UST: variants seen among roughly 807,000 people sequenced by gnomAD.
UST encodes the protein chondroitin sulfate 2-O-sulfotransferase.
A neutral mutation model predicts 45.6 loss-of-function variants in UST; 21 were observed. That is an observed-to-expected ratio of 0.46 (90% CI 0.33 to 0.66). UST has a LOEUF of 0.66. Among genes scored for constraint, UST ranks in the 30% least tolerant of loss-of-function variants. The pLI, the probability that UST is intolerant of heterozygous loss-of-function variation, is 0.02. For synonymous variants in UST, 215 were observed against 200.6 expected (o/e 1.07, Z -0.61); for missense variants, 463 against 512.4 (o/e 0.90, Z 0.93).
chr6:149,071,448 A>G (rs1437221123), intron 7 of UST, among the ~76,000 whole-genome samples: 1 of 152,220 alleles, frequency 6.6e-6, no homozygotes, highest in East Asian at 1.9e-4. Context: ...AATCTTCATG[A>G]CCTTGGATTT....
chr6:149,031,708 G>A (rs1312801274), intron 7 of UST, among the ~76,000 whole-genome samples: 3 of 152,136 alleles, frequency 2.0e-5, no homozygotes, highest in Non-Finnish European at 4.4e-5. Context: ...ATTTAAATAG[G>A]TGTAATCTGA....
intron 7 of UST, among the ~76,000 whole-genome samples, chr6:149,043,548 C>A (rs1051479598): frequency 6.6e-6 from 1 of 152,264 alleles, no homozygotes; most frequent in Non-Finnish European, 1.5e-5. Context: ...GTGCTGTGGC[C>A]TCCTTTTCTG....
chr6:148,919,200 C>CAG (rs1779651324), intron 2 of UST, among the ~76,000 whole-genome samples: 1 of 152,206 alleles, frequency 6.6e-6, no homozygotes, highest in Non-Finnish European at 1.5e-5. Context: ...GGTGCACCTC[C>CAG]ACCTCCTCTC....
At chr6:148,806,685 A>G (rs1185332121) in intron 1 of UST, among the ~76,000 whole-genome samples, 4 of 152,186 alleles carry the variant, frequency 2.6e-5, no homozygotes, top group African/African-American at 7.2e-5. Context: ...TTGCTGTAAC[A>G]GCATGCCTGA....
At chr6:148,749,671 C>G (rs1017728905) in intron 1 of UST, among the ~76,000 whole-genome samples, 9 of 152,162 alleles carry the variant, frequency 5.9e-5, no homozygotes, top group Non-Finnish European at 1.2e-4. Context: ...AAAATCAAGA[C>G]ATTTCAACAT....
At chr6:148,942,243 G>C (rs1350364098) in intron 3 of UST, among the ~76,000 whole-genome samples, 1 of 152,072 alleles carries the variant, frequency 6.6e-6, no homozygotes. Flanking sequence ...ATGTTGGGAA[G>C]AAACAAGGAA....
intron 7 of UST, among the ~76,000 whole-genome samples, chr6:149,042,955 T>TTTTCTTTC (rs1158496318): frequency 0.012 from 1,274 of 109,076 alleles, 12 homozygotes; most frequent in East Asian, 0.022. Flanking sequence ...ATCACCATCC[T>TTTTCTTTC]TTTCTTTCTT....
chr6:148,754,049 C>T (rs190307154), intron 1 of UST, among the ~76,000 whole-genome samples: 3 of 149,618 alleles, frequency 2.0e-5, no homozygotes, highest in Non-Finnish European at 3.0e-5. Flanking sequence ...GGCTGGAGTG[C>T]AGTGGCGCGA....
At chr6:148,892,237 G>A (rs902730665) in intron 2 of UST, among the ~76,000 whole-genome samples, 1 of 152,092 alleles carries the variant, frequency 6.6e-6, no homozygotes, top group African/African-American at 2.4e-5. Context: ...CAGTGCCGTC[G>A]TGTGATGGCT....
At chr6:148,867,566 G>T (rs532890483) in intron 1 of UST, among the ~76,000 whole-genome samples, 1 of 152,026 alleles carries the variant, frequency 6.6e-6, no homozygotes, top group African/African-American at 2.4e-5. Context: ...AATCCTGGGG[G>T]CAGTTTCCCC....
intron 1 of UST, among the ~76,000 whole-genome samples, chr6:148,830,256 G>A (rs957385256): frequency 6.6e-6 from 1 of 152,180 alleles, no homozygotes; most frequent in Admixed American, 6.5e-5. Context: ...TGGCAAGTGG[G>A]CCAGGTTTTG....
intron 2 of UST, among the ~76,000 whole-genome samples, chr6:148,938,582 C>A (rs1475099995): frequency 2.6e-5 from 4 of 151,982 alleles, no homozygotes; most frequent in Admixed American, 2.0e-4. Flanking sequence ...TTCTACTGTG[C>A]TTTATTATTT....
intron 5 of UST, among the ~76,000 whole-genome samples, chr6:148,976,674 A>C (rs1781023664): frequency 6.6e-6 from 1 of 152,178 alleles, no homozygotes; most frequent in Non-Finnish European, 1.5e-5. Context: ...CATGTTTAAG[A>C]GGCATTTGTA....
intron 2 of UST, among the ~76,000 whole-genome samples, chr6:148,889,375 A>G (rs1466539922): frequency 6.6e-6 from 1 of 152,204 alleles, no homozygotes; most frequent in Non-Finnish European, 1.5e-5. Context: ...ATGACTCACC[A>G]TTGTAAGTTT....
At chr6:148,798,385 C>A (rs944380733) in intron 1 of UST, among the ~76,000 whole-genome samples, 1 of 152,000 alleles carries the variant, frequency 6.6e-6, no homozygotes, top group Non-Finnish European at 1.5e-5. Context: ...GGGAGGCTAA[C>A]GGGCTGTGTT....
At chr6:148,853,909 C>T (rs1778153051) in intron 1 of UST, among the ~76,000 whole-genome samples, 1 of 152,156 alleles carries the variant, frequency 6.6e-6, no homozygotes, top group Non-Finnish European at 1.5e-5. Context: ...CCTGCATACC[C>T]AAAATACTGG....
chr6:148,875,843 A>C (rs1778640748), intron 1 of UST, among the ~76,000 whole-genome samples: 2 of 152,252 alleles, frequency 1.3e-5, no homozygotes, highest in South Asian at 4.1e-4. Flanking sequence ...ATGACTGGTA[A>C]AATTTGGTAA....
At chr6:148,843,988 G>A (rs577620174) in intron 1 of UST, among the ~76,000 whole-genome samples, 41 of 152,218 alleles carry the variant, frequency 2.7e-4, no homozygotes, top group African/African-American at 9.9e-4. Flanking sequence ...TGGTTAAAAA[G>A]GTTCAGGGAT....
At chr6:148,927,496 T>G (rs1017132774) in intron 2 of UST, among the ~76,000 whole-genome samples, 5 of 152,176 alleles carry the variant, frequency 3.3e-5, no homozygotes, top group Non-Finnish European at 7.3e-5. Flanking sequence ...TTAGAGAGCT[T>G]GAGTACCAGC....
Sources: gnomAD v4.1 joint callset for allele counts (sites outside exome capture counted in the v4.1 genomes callset) on GRCh38, gnomAD v4.1.1 for gene constraint, MANE v1.5 for transcripts, NCBI Gene and HGNC (gene_info 2026-07-23, HGNC 2026-07-21) for gene names.